The following PCDH15 variants were observed in gnomAD, a reference collection of about 807,000 sequenced individuals.
PCDH15 encodes protocadherin-15.
A neutral mutation model predicts 178.5 loss-of-function variants in PCDH15; 129 were observed. The ratio of observed to expected loss-of-function variants is 0.72; its 90% CI spans 0.63 to 0.84. PCDH15 has a LOEUF of 0.84. Ranked by LOEUF, PCDH15 falls within the 40% of genes least tolerant of loss-of-function variation. The pLI is 0.00. For synonymous variants in PCDH15, 800 were observed against 732.0 expected, an observed-to-expected ratio of 1.09 and a Z score of -1.50; for missense variants, 2,230 against 2,099.9, an observed-to-expected ratio of 1.06 and a Z score of -1.21.
At position 53,827,467 on chromosome 10, in the gene PCDH15, T is replaced by C. The variant is rs770532865; in HGVS notation, c.4293A>G (p.Pro1431=). ...AAKPAVPAPA[P]VAAPPPPPPP... is the part of the protein sequence containing the mutation. ...GCGGCGGCGGCGGGGGCGCTGCCACTGGTGCAGGAGCCGGCACTGCTGGTT... is the reference window on the plus strand; with the variant it reads ...GCGGCGGCGGCGGGGGCGCTGCCACCGGTGCAGGAGCCGGCACTGCTGGTT... Residue 1431 remains proline (P), a synonymous_variant, in exon 32 of 38, where the codon CCA becomes CCG. Transcript: ENST00000644397. 1 of 1,613,866 alleles carries C rather than the reference T, an allele frequency of 6.2e-7. No individual in the cohort carries two copies. The highest frequency in any genetic ancestry group is 1.1e-5 in the South Asian group (1 of 91,084).
chr10:54,656,338 A>G lies in PCDH15; in HGVS notation c.91+7834T>C, dbSNP rs192088130. On this transcript the variant is annotated intron_variant, in intron 2 of 37. Transcript: ENST00000644397. ...CCAAGGAACTTAGAGACCCCAAAAA[A>G]GTATAGGTGGGGGTGCTTCTCTGTT... Among the ~76,000 whole-genome samples, 28 of 152,254 alleles carry G rather than the reference A, an allele frequency of 1.8e-4. No individual in the cohort carries two copies. In the East Asian group the frequency reaches 4.7e-3, roughly 25 times the overall value.
In PCDH15 at chr10:55,627,227, T is replaced by G. The variant is rs759209840; in HGVS notation, c.-156+398A>C. ...AGAAAACTTGCATGGGGAAAACTTT[T>G]GGGGGGAAATGAAGGTGATTTCTGA... On this transcript the variant is annotated intron_variant, in intron 2 of 5. Transcript: ENST00000613346. 4.4e-4 allele frequency among the ~76,000 whole-genome samples: 67 copies of G among 151,996 alleles called. 1 individual carries two copies. Among genetic ancestry groups the G allele is most frequent in the Non-Finnish European group, 6.5e-4 (44 of 67,972 alleles).
intron 2 of PCDH15, among the ~76,000 whole-genome samples, chr10:54,638,735 G>A (rs1405013242): frequency 6.6e-6 from 1 of 152,008 alleles, no homozygotes; most frequent in South Asian, 2.1e-4. Flanking sequence ...ACATACACAT[G>A]CGCATTTATT....
chr10:55,622,899 C>T (rs971842248), intron 2 of PCDH15, among the ~76,000 whole-genome samples: 2 of 152,122 alleles, frequency 1.3e-5, no homozygotes, highest in African/African-American at 4.8e-5. Context: ...TACCACAGAG[C>T]TGTCTTCTAG....
chr10:53,981,487 C>A (rs539919394), intron 21 of PCDH15, among the ~76,000 whole-genome samples: 4 of 152,242 alleles, frequency 2.6e-5, no homozygotes, highest in Non-Finnish European at 5.9e-5. Flanking sequence ...ATCAATGGAA[C>A]AGAAAAGAGC....
At chr10:54,550,500 G>GTGTT (rs1336052500) in intron 2 of PCDH15, among the ~76,000 whole-genome samples, 2 of 151,968 alleles carry the variant, frequency 1.3e-5, no homozygotes, top group African/African-American at 4.8e-5. Flanking sequence ...GTGTGTGTGT[G>GTGTT]TGTGTGTGTC....
At chr10:54,338,093 ATC>A (rs1941543420) in intron 6 of PCDH15, among the ~76,000 whole-genome samples, 1 of 152,200 alleles carries the variant, frequency 6.6e-6, no homozygotes, top group Non-Finnish European at 1.5e-5. Flanking sequence ...AGTTCAACTT[ATC>A]TTATTCCATC....
intron 1 of PCDH15, among the ~76,000 whole-genome samples, chr10:54,779,172 C>T (rs1008194479): frequency 2.0e-5 from 3 of 151,518 alleles, no homozygotes; most frequent in Admixed American, 1.3e-4. Context: ...ATTCATGAGT[C>T]AAAATCCACT....
chr10:53,886,906 T>C (rs975045339), intron 26 of PCDH15, among the ~76,000 whole-genome samples: 2 of 152,192 alleles, frequency 1.3e-5, no homozygotes, highest in African/African-American at 4.8e-5. Context: ...CACTTATTTT[T>C]ATTGCCCATT....
intron 21 of PCDH15, among the ~76,000 whole-genome samples, chr10:53,970,859 T>A (rs1483901175): frequency 6.6e-6 from 1 of 152,114 alleles, no homozygotes; most frequent in African/African-American, 2.4e-5. Flanking sequence ...CTACCAGAGG[T>A]ACAAAGTGGA....
intron 3 of PCDH15, among the ~76,000 whole-genome samples, chr10:54,886,795 C>A (rs1169365787): frequency 2.6e-5 from 4 of 152,182 alleles, no homozygotes; most frequent in Non-Finnish European, 5.9e-5. Flanking sequence ...GCCAGGTTTC[C>A]TTTCTCTGTC....
chr10:54,235,400 AC>A (rs1457815072), intron 9 of PCDH15, among the ~76,000 whole-genome samples: 1 of 152,180 alleles, frequency 6.6e-6, no homozygotes, highest in Non-Finnish European at 1.5e-5. Context: ...AGTGAAATAA[AC>A]TTGAACACCA....
At position 54,317,450 on chromosome 10, in the gene PCDH15, G is replaced by A; in HGVS notation, c.706-9C>T. Reference sequence around the variant, plus strand: ...AGATTTTGGGCACGGTCCTGTTAGGGAGAAAAACAAACAACAGGTAGTTTA... The same window carrying A: ...AGATTTTGGGCACGGTCCTGTTAGGAAGAAAAACAAACAACAGGTAGTTTA... On this transcript the variant is annotated splice_polypyrimidine_tract_variant and intron_variant, in intron 7 of 37. Transcript: ENST00000644397. 1 of 1,613,426 alleles carries A rather than the reference G, an allele frequency of 6.2e-7. No individual in the cohort carries two copies. The highest frequency in any genetic ancestry group is 1.1e-5 in the South Asian group (1 of 91,062).
intron 2 of PCDH15, among the ~76,000 whole-genome samples, chr10:54,589,590 A>G (rs2133914169): frequency 6.6e-6 from 1 of 152,298 alleles, no homozygotes; most frequent in South Asian, 2.1e-4. Flanking sequence ...GAGAGCAGGC[A>G]TATTTGTGTG....
intron 9 of PCDH15, among the ~76,000 whole-genome samples, chr10:54,228,492 C>T (rs1213953754): frequency 1.3e-5 from 2 of 152,136 alleles, no homozygotes; most frequent in South Asian, 4.1e-4. Context: ...GGTGACACAG[C>T]CAAGCGATAT....
chr10:55,064,136 A>G (rs1438888792), intron 2 of PCDH15, among the ~76,000 whole-genome samples: 1 of 152,084 alleles, frequency 6.6e-6, no homozygotes, highest in African/African-American at 2.4e-5. Context: ...ACATATGGAA[A>G]AATCTCCTAA....
At chr10:54,024,172 A>G (rs547426357) in intron 18 of PCDH15, among the ~76,000 whole-genome samples, 2 of 152,314 alleles carry the variant, frequency 1.3e-5, no homozygotes, top group South Asian at 2.1e-4. Context: ...ATGAAATGTA[A>G]TAAGAATTAA....
intron 2 of PCDH15, among the ~76,000 whole-genome samples, chr10:55,412,708 T>C (rs916804481): frequency 6.6e-6 from 1 of 151,966 alleles, no homozygotes; most frequent in Admixed American, 6.6e-5. Context: ...ATTTTTGCAC[T>C]ATTTCAATAG....
intron 1 of PCDH15, among the ~76,000 whole-genome samples, chr10:54,702,232 A>G (rs2095315817): frequency 6.6e-6 from 1 of 152,122 alleles, no homozygotes; most frequent in Non-Finnish European, 1.5e-5. Flanking sequence ...AGATTAAGGC[A>G]GAAATCAAGG....
Sources: gnomAD v4.1 joint callset for allele counts (sites outside exome capture counted in the v4.1 genomes callset) on GRCh38, gnomAD v4.1.1 for gene constraint, MANE v1.5 for transcripts, NCBI Gene and HGNC (gene_info 2026-07-23, HGNC 2026-07-21) for gene names.